The following SGCZ variants were observed in gnomAD, a reference collection of about 807,000 sequenced individuals.
SGCZ encodes the protein zeta-sarcoglycan.
In SGCZ, 40 loss-of-function variants were observed where a neutral mutation model predicts 41.3. That is an observed-to-expected ratio of 0.97 (90% CI 0.75 to 1.26). The LOEUF is 1.26. SGCZ is among the 50% of genes most tolerant of loss of function. The pLI, the probability that SGCZ is intolerant of heterozygous loss-of-function variation, is 0.00. For missense variants in SGCZ, 552 were observed against 369.8 expected (o/e 1.49, Z -4.04); for synonymous variants, 206 against 137.5 (o/e 1.50, Z -3.49).
chr8:14,781,830 G>T (rs914801711), intron 1 of SGCZ, among the ~76,000 whole-genome samples: 2 of 152,052 alleles, frequency 1.3e-5, no homozygotes, highest in Non-Finnish European at 2.9e-5. Context: ...CAAAATCATT[G>T]AACAAAAGGA....
intron 1 of SGCZ, among the ~76,000 whole-genome samples, chr8:14,962,421 T>C (rs1323561277): frequency 4.6e-5 from 7 of 152,108 alleles, no homozygotes; most frequent in Admixed American, 4.6e-4. Flanking sequence ...ATTTATGATC[T>C]ATCATACACA....
intron 2 of SGCZ, among the ~76,000 whole-genome samples, chr8:14,480,467 G>T (rs10113758): frequency 0.041 from 6,190 of 151,988 alleles, 171 homozygotes; most frequent in African/African-American, 0.079. Flanking sequence ...TTATTTCAAT[G>T]TTTACCCTTT....
intron 1 of SGCZ, among the ~76,000 whole-genome samples, chr8:15,232,735 ATATG>A (rs1563198301): frequency 6.8e-6 from 1 of 146,166 alleles, no homozygotes; most frequent in East Asian, 2.0e-4. Flanking sequence ...ATATACATAT[ATATG>A]TGTGTATATA....
rs190554845 is a variant in SGCZ at position 14,200,508 on chromosome 8, G to C, written c.425-35806C>G. 2.7e-3 allele frequency among the ~76,000 whole-genome samples: 413 copies of C among 152,170 alleles called. 3 individuals carry two copies. Among genetic ancestry groups the C allele is most frequent in the South Asian group, 0.014 (67 of 4,818 alleles). ...GTATTTTTAAAAGGACTGACCAATC[G>C]ACCAATAGGATAAGGTAGAGAGCCC... On this transcript the variant is annotated intron_variant, in intron 4 of 7. Coordinates refer to ENST00000382080, the MANE Select transcript of SGCZ (RefSeq NM_139167.4).
At chr8:15,219,929 C>A (rs1801535414) in intron 1 of SGCZ, among the ~76,000 whole-genome samples, 1 of 152,114 alleles carries the variant, frequency 6.6e-6, no homozygotes, top group East Asian at 1.9e-4. Context: ...TGTAAAAATA[C>A]TTTGATGGTA....
At chr8:14,347,607 A>C (rs1802934001) in intron 2 of SGCZ, among the ~76,000 whole-genome samples, 1 of 145,582 alleles carries the variant, frequency 6.9e-6, no homozygotes, top group African/African-American at 2.7e-5. Context: ...ACTTTATAAA[A>C]TAAAAATTAT....
At chr8:15,012,260 T>G (rs922651805) in intron 1 of SGCZ, among the ~76,000 whole-genome samples, 5 of 151,656 alleles carry the variant, frequency 3.3e-5, no homozygotes, top group African/African-American at 1.2e-4. Flanking sequence ...ACCAAGAATT[T>G]GAGATCAGAC....
chr8:15,221,462 G>A (rs1048472314), intron 1 of SGCZ, among the ~76,000 whole-genome samples: 3 of 152,080 alleles, frequency 2.0e-5, no homozygotes, highest in African/African-American at 7.2e-5. Context: ...TACCGCACTT[G>A]GTGAACTAAA....
At chr8:14,851,072 T>C (rs960917898) in intron 1 of SGCZ, among the ~76,000 whole-genome samples, 20 of 152,206 alleles carry the variant, frequency 1.3e-4, no homozygotes, top group African/African-American at 4.3e-4. Flanking sequence ...AGAAAGCTTT[T>C]AAAGAATGTA....
At chr8:14,204,193 G>A (rs1344993075) in intron 4 of SGCZ, among the ~76,000 whole-genome samples, 1 of 151,976 alleles carries the variant, frequency 6.6e-6, no homozygotes, top group Non-Finnish European at 1.5e-5. Flanking sequence ...TAAAACGAAA[G>A]AAATAGATGG....
intron 4 of SGCZ, chr8:14,164,967 A>G (rs1023330769): frequency 5.7e-6 from 2 of 352,654 alleles, no homozygotes; most frequent in Non-Finnish European, 1.1e-5. Flanking sequence ...AGAGCCCTTC[A>G]CATATCCACA....
At chr8:14,788,536 T>C (rs1217561618) in intron 1 of SGCZ, among the ~76,000 whole-genome samples, 2 of 152,208 alleles carry the variant, frequency 1.3e-5, no homozygotes, top group Non-Finnish European at 2.9e-5. Context: ...TTTTAACTTC[T>C]AAGATTCTTC....
intron 2 of SGCZ, among the ~76,000 whole-genome samples, chr8:14,360,577 C>T (rs771803922): frequency 3.3e-5 from 5 of 152,012 alleles, no homozygotes; most frequent in Admixed American, 2.0e-4. Context: ...CTGCCTGCCT[C>T]GGCCTCCAAA....
chr8:15,096,939 C>T (rs933721526), intron 1 of SGCZ, among the ~76,000 whole-genome samples: 56 of 152,094 alleles, frequency 3.7e-4, no homozygotes, highest in African/African-American at 1.4e-3. Context: ...CCCACCTCGG[C>T]CTCCCAAAGC....
At chr8:14,257,080 TAGCACTAGAAGGCCAA>T (rs1799491093) in intron 3 of SGCZ, among the ~76,000 whole-genome samples, 1 of 152,116 alleles carries the variant, frequency 6.6e-6, no homozygotes, top group Non-Finnish European at 1.5e-5. Flanking sequence ...CCTCTAATCC[TAGCACTAGAAGGCCAA>T]AGTGGACAGA....
chr8:14,554,897 G>A lies in SGCZ; in HGVS notation c.69C>T (p.Thr23=). The A allele has an allele frequency of 6.2e-7, 1 of 1,612,090 alleles. No individual in the cohort carries two copies. Among genetic ancestry groups the A allele is most frequent in the Non-Finnish European group, 8.5e-7 (1 of 1,179,092 alleles). The part of the protein sequence containing the change: ...KMTREQYILA[T]QQNNLPRTEN... ...CAGTCCTTGGCAGGTTATTCTGTTG[G>A]GTTGCTAGTATGTATTGTTCTCGTG... Residue 23 remains threonine (T), a synonymous_variant, in exon 2 of 8, where the codon ACC becomes ACT. Coordinates refer to ENST00000382080, the MANE Select transcript of SGCZ (RefSeq NM_139167.4).
chr8:14,662,957 G>A (rs1355477773), intron 1 of SGCZ, among the ~76,000 whole-genome samples: 1 of 152,102 alleles, frequency 6.6e-6, no homozygotes, highest in South Asian at 2.1e-4. Context: ...CAAGAAAACC[G>A]GAATCTCAGT....
chr8:14,798,247 T>C (rs1801202576), intron 1 of SGCZ, among the ~76,000 whole-genome samples: 1 of 152,180 alleles, frequency 6.6e-6, no homozygotes, highest in Admixed American at 6.5e-5. Flanking sequence ...GAGGAAAGTA[T>C]AGAAATCAAT....
intron 1 of SGCZ, among the ~76,000 whole-genome samples, chr8:14,832,760 G>A (rs886774063): frequency 6.6e-6 from 1 of 151,946 alleles, no homozygotes; most frequent in African/African-American, 2.4e-5. Flanking sequence ...TGAATATTAG[G>A]CTCAATAAAA....
Sources: allele counts gnomAD v4.1 joint callset (sites outside exome capture counted in the v4.1 genomes callset), GRCh38; gene constraint gnomAD v4.1.1; transcripts MANE v1.5; gene names NCBI Gene and HGNC (gene_info 2026-07-23, HGNC 2026-07-21).